DOCK8: variants seen among roughly 807,000 people sequenced by gnomAD.
DOCK8 encodes dedicator of cytokinesis protein 8.
A neutral mutation model predicts 245.6 loss-of-function variants in DOCK8; 141 were observed. That is an observed-to-expected ratio of 0.57 (90% confidence interval 0.50 to 0.66). DOCK8 has a LOEUF of 0.66. Ranked by LOEUF, DOCK8 falls within the 30% of genes least tolerant of loss-of-function variation. The pLI is 0.00. For synonymous variants in DOCK8, 1,168 were observed against 970.2 expected (o/e 1.20, Z -3.79); for missense variants, 2,965 against 2,603.4 (o/e 1.14, Z -3.02).
upstream of DOCK8, chr9:214,622 GCA>G: frequency 6.2e-7 from 1 of 1,613,410 alleles, no homozygotes; most frequent in Non-Finnish European, 8.5e-7. Context: ...CGGCCTGCGC[GCA>G]GTGGTCGCCT....
Position 317,153 on chromosome 9 carries a change from ACCG to A in DOCK8, c.827+27_827+29del, listed in dbSNP as rs1323485921. 2.0e-6 allele frequency: 3 copies of A among 1,532,644 alleles called. No individual in the cohort carries two copies. The African/African-American group carries it at 4.1e-5, about 21-fold the overall frequency. The allele number at this position is 1,532,644 out of a possible 1,614,324, so 94.9% of individuals were successfully genotyped here. ...AGTAAGTATCAACAAACACACTGCC[ACCG>A]CTTTGAGATTTATCTTGCCTTTTAC... On this transcript the variant is annotated intron_variant, in intron 7 of 47. Coordinates refer to ENST00000432829, the MANE Select transcript of DOCK8 (RefSeq NM_203447.4).
chr9:447,638 C>G (rs1338890783), intron 44 of DOCK8, among the ~76,000 whole-genome samples: 1 of 152,142 alleles, frequency 6.6e-6, no homozygotes, highest in Non-Finnish European at 1.5e-5. Flanking sequence ...CTTTTTCTTT[C>G]CACACCCATG....
At position 439,260 on chromosome 9, in the gene DOCK8, G is replaced by A. The variant is rs2057006523; in HGVS notation, c.5095G>A (p.Val1699Met). The change falls in exon 40 of 48, where the codon GTG becomes ATG. Residue 1699 changes from valine (V) to methionine (M), a missense_variant. Physicochemically the swap from Val to Met is conservative, Grantham distance 21. Coordinates refer to ENST00000432829, the MANE Select transcript of DOCK8 (RefSeq NM_203447.4). ...SVSFQNISSN[V>M]LEESVVSEDT... is the part of the protein sequence containing the mutation. ...TCTCTTTCAGAATATTTCTTCCAAT[G>A]TGCTGGAGGAGTCTGTGGTCTCTGA... 6.2e-7 allele frequency: 1 copy of A among 1,614,072 alleles called. No individual in the cohort carries two copies. Among genetic ancestry groups the A allele is most frequent in the Non-Finnish European group, 8.5e-7 (1 of 1,180,038 alleles).
chr9:215,913 G>T (rs2046740513), intron 1 of DOCK8, among the ~76,000 whole-genome samples: 1 of 152,170 alleles, frequency 6.6e-6, no homozygotes, highest in Non-Finnish European at 1.5e-5. Flanking sequence ...ATTCTAAAGT[G>T]TCAACTTATT....
chr9:306,112 T>C (rs540067783), intron 5 of DOCK8, among the ~76,000 whole-genome samples: 1 of 152,356 alleles, frequency 6.6e-6, no homozygotes, highest in South Asian at 2.1e-4. Flanking sequence ...AAAAAATTTG[T>C]TCAAGTTTGC....
chr9:265,804 T>A (rs1382601232), intron 1 of DOCK8, among the ~76,000 whole-genome samples: 1 of 152,062 alleles, frequency 6.6e-6, no homozygotes, highest in Non-Finnish European at 1.5e-5. Context: ...TTCTTGTGCA[T>A]CTTCACCTGT....
intron 1 of DOCK8, among the ~76,000 whole-genome samples, chr9:217,466 G>A (rs746150295): frequency 9.2e-5 from 14 of 152,154 alleles, no homozygotes; most frequent in Non-Finnish European, 1.9e-4. Flanking sequence ...GAAAATATGT[G>A]ATGAAATCTG....
At chr9:246,146 G>A (rs2047500856) in intron 1 of DOCK8, among the ~76,000 whole-genome samples, 1 of 151,986 alleles carries the variant, frequency 6.6e-6, no homozygotes, top group South Asian at 2.1e-4. Context: ...TTGAGCCTGG[G>A]AGATGGAGCT....
At chr9:403,964 A>ATATATATATGTGTATATATATATGTG (rs1564021789) in intron 26 of DOCK8, among the ~76,000 whole-genome samples, 4 of 75,700 alleles carry the variant, frequency 5.3e-5, no homozygotes, top group Non-Finnish European at 9.0e-5. Flanking sequence ...ATATATGTAT[A>ATATATATATGTGTATATATATATGTG]TATATATATA....
At position 439,500 on chromosome 9, in the gene DOCK8, G is replaced by A. The variant is rs577086331; in HGVS notation, c.5223+112G>A. 9.9e-5 allele frequency: 140 copies of A among 1,411,654 alleles called. 1 individual carries two copies. The East Asian group carries it at 2.6e-3, about 26-fold the overall frequency. 87.4% of individuals were successfully genotyped at this position (1,411,654 alleles called of 1,614,324 possible). ...AGTCAGCCCCACTTCCCGAGGACAC[G>A]TGCCAGGGTGTGCGGGGCAGGGGAT... On this transcript the variant is annotated intron_variant, in intron 40 of 47. Transcript: ENST00000432829.
chr9:304,842 AT>A (rs368722500), intron 5 of DOCK8, 138 bp downstream of exon 5: 788 of 1,171,362 alleles, frequency 6.7e-4, no homozygotes, highest in Non-Finnish European at 7.1e-4. Context: ...TGAGTCAGTG[AT>A]TTTTTTTTTC....
intron 4 of DOCK8, 40 bp from the exon 5 acceptor site, chr9:304,541 T>C (rs753055467): frequency 1.2e-6 from 2 of 1,613,264 alleles, no homozygotes; most frequent in Non-Finnish European, 1.7e-6. Flanking sequence ...CCGCTCTCTC[T>C]CCCTCTTTCT....
intron 1 of DOCK8, among the ~76,000 whole-genome samples, chr9:228,275 A>G (rs984292475): frequency 6.6e-6 from 1 of 152,184 alleles, no homozygotes; most frequent in African/African-American, 2.4e-5. Flanking sequence ...AACTTTACAT[A>G]TGGGTAAAGT....
At chr9:298,424 CCAAAAA>C (rs1387139026) in intron 4 of DOCK8, among the ~76,000 whole-genome samples, 2 of 152,086 alleles carry the variant, frequency 1.3e-5, no homozygotes, top group African/African-American at 4.8e-5. Context: ...GACTCTGTCT[CCAAAAA>C]CAAAAACAAA....
chr9:421,945 G>C (rs944902890), intron 32 of DOCK8, 103 bp from the exon 33 acceptor site: 1 of 1,039,588 alleles, frequency 9.6e-7, no homozygotes, highest in East Asian at 2.5e-5. Flanking sequence ...ATTAGCCCGA[G>C]AAATGGTGCT....
intron 14 of DOCK8, among the ~76,000 whole-genome samples, chr9:363,885 A>T (rs1430721663): frequency 2.0e-5 from 3 of 152,142 alleles, no homozygotes; most frequent in African/African-American, 7.2e-5. Flanking sequence ...AGTGTAAGAG[A>T]CAAGTGTGGT....
At position 414,676 on chromosome 9, in the gene DOCK8, A is replaced by T; in HGVS notation, c.3531-106A>T. 4 of 1,399,472 alleles carry T rather than the reference A, an allele frequency of 2.9e-6. No individual in the cohort carries two copies. The East Asian group carries it at 9.1e-5, about 32-fold the overall frequency. 86.7% of individuals were successfully genotyped at this position (1,399,472 alleles called of 1,614,324 possible). On this transcript the variant is annotated intron_variant, in intron 28 of 47. Transcript: ENST00000432829. ...CTATCCTATATTGCTTGGTTTTCAC[A>T]GTCACCTCATTGCTTAGGAGCGTTT...
chr9:222,736 G>T (rs920255308), intron 1 of DOCK8, among the ~76,000 whole-genome samples: 1 of 152,100 alleles, frequency 6.6e-6, no homozygotes, highest in Non-Finnish European at 1.5e-5. Context: ...TTCACTTTCT[G>T]CTTCTGTTCC....
chr9:379,114 T>A (rs2053633741), intron 20 of DOCK8, among the ~76,000 whole-genome samples: 1 of 152,092 alleles, frequency 6.6e-6, no homozygotes. Flanking sequence ...GACAATACAA[T>A]GACTGCCTCA....
Sources: allele counts gnomAD v4.1 joint callset (sites outside exome capture counted in the v4.1 genomes callset), GRCh38; gene constraint gnomAD v4.1.1; transcripts MANE v1.5; gene names NCBI Gene and HGNC (gene_info 2026-07-23, HGNC 2026-07-21).